MROH9: variants seen among roughly 807,000 people sequenced by gnomAD.
The protein encoded by MROH9 is maestro heat-like repeat-containing protein family member 9.
In MROH9, 92 loss-of-function variants were observed where a neutral mutation model predicts 98.2. The ratio of observed to expected loss-of-function variants is 0.94; its 90% CI spans 0.79 to 1.11. The LOEUF (loss-of-function observed/expected upper bound fraction) is 1.11. Ranked by LOEUF, MROH9 falls within the 50% of genes most tolerant of loss-of-function variation. The pLI is 0.00. For missense variants in MROH9, 1,057 were observed against 1,014.8 expected, an observed-to-expected ratio of 1.04 and a Z score of -0.57; for synonymous variants, 397 against 368.9, an observed-to-expected ratio of 1.08 and a Z score of -0.87.
intron 17 of MROH9, among the ~76,000 whole-genome samples, chr1:171,017,593 C>A (rs1048353980): frequency 6.6e-6 from 1 of 152,072 alleles, no homozygotes; most frequent in Non-Finnish European, 1.5e-5. Flanking sequence ...CCTTTAAACT[C>A]CTTGGGGGAG....
At chr1:171,051,371 A>G (rs1316297096) in intron 20 of MROH9, among the ~76,000 whole-genome samples, 1 of 152,162 alleles carries the variant, frequency 6.6e-6, no homozygotes, top group Non-Finnish European at 1.5e-5. Flanking sequence ...AGATAAAGAA[A>G]ATGTGGTACA....
At chr1:170,944,625 G>A (rs903936127) in intron 1 of MROH9, among the ~76,000 whole-genome samples, 30 of 152,038 alleles carry the variant, frequency 2.0e-4, no homozygotes, top group Non-Finnish European at 3.8e-4. Context: ...GTAGTGTTGG[G>A]ATCATAATTC....
intron 20 of MROH9, among the ~76,000 whole-genome samples, chr1:171,030,981 G>A (rs758353216): frequency 1.3e-4 from 20 of 152,114 alleles, no homozygotes; most frequent in Non-Finnish European, 1.2e-4. Context: ...TTGAGTGCAC[G>A]TATATTTAGA....
At position 170,953,331 on chromosome 1, in the gene MROH9, G is replaced by A. The variant is rs1438080267; in HGVS notation, c.73-5130G>A. ...CTTAACGGTATCTTTTGAAGAGCAA[G>A]AGGTTTTAGTTTTGATCAAGTCCAA... On this transcript the variant is annotated intron_variant, in intron 3 of 21. Coordinates refer to ENST00000367759, the MANE Select transcript of MROH9 (RefSeq NM_001163629.2). 2.0e-5 allele frequency among the ~76,000 whole-genome samples: 3 copies of A among 151,940 alleles called. No homozygotes were observed. In the South Asian group the frequency reaches 6.2e-4, roughly 32 times the overall value.
In MROH9 at chr1:170,962,928, C is replaced by T. The variant is rs116140487; in HGVS notation, c.375+952C>T. ...TGGACATAGGAACAGGCAAAAATTT[C>T]GTGAAAAAGACACCAAAAGCAGTTG... On this transcript the variant is annotated intron_variant, in intron 6 of 21. Coordinates refer to ENST00000367759, the MANE Select transcript of MROH9 (RefSeq NM_001163629.2). Among the ~76,000 whole-genome samples the T allele has an allele frequency of 2.4e-3, 364 of 151,864 alleles. 2 individuals are homozygous for T. The highest frequency in any genetic ancestry group is 0.014 in the Middle Eastern group (4 of 294).
intron 3 of MROH9, among the ~76,000 whole-genome samples, chr1:170,950,453 C>T (rs1008595156): frequency 1.3e-5 from 2 of 152,046 alleles, no homozygotes; most frequent in Non-Finnish European, 2.9e-5. Flanking sequence ...TACAGGAAAA[C>T]ATAGAACCAA....
chr1:171,003,669 G>A (rs984571552), intron 15 of MROH9, among the ~76,000 whole-genome samples: 2 of 152,168 alleles, frequency 1.3e-5, no homozygotes, highest in Non-Finnish European at 2.9e-5. Flanking sequence ...TGGACTCTGT[G>A]AGGAGCCTTA....
At chr1:170,944,970 G>C (rs757338095) in intron 1 of MROH9, among the ~76,000 whole-genome samples, 1 of 151,984 alleles carries the variant, frequency 6.6e-6, no homozygotes, top group African/African-American at 2.4e-5. Context: ...TTACTAATCA[G>C]TTATCTTTGA....
chr1:170,987,370 G>A (rs924496775), intron 10 of MROH9, among the ~76,000 whole-genome samples: 7 of 152,146 alleles, frequency 4.6e-5, no homozygotes, highest in South Asian at 2.1e-4. Context: ...CTCAGCTTGC[G>A]TAGAGCTGGC....
chr1:171,064,034 G>A (rs1654093185), intron 21 of MROH9, 65 bp from the exon 22 acceptor site: 1 of 1,461,110 alleles, frequency 6.8e-7, no homozygotes, highest in South Asian at 1.5e-5. Flanking sequence ...GGGCTGTTTA[G>A]TATTAAAGCT....
rs776908340 is a variant in MROH9, at chr1:171,032,361, G to T, written c.2281+6941G>T. 7.9e-5 allele frequency among the ~76,000 whole-genome samples: 12 copies of T among 152,128 alleles called. 1 individual carries two copies. The highest frequency in any genetic ancestry group is 1.8e-4 in the Non-Finnish European group (12 of 68,020). On this transcript the variant is annotated intron_variant, in intron 20 of 21. Coordinates refer to ENST00000367759, the MANE Select transcript of MROH9 (RefSeq NM_001163629.2). ...AATTATTTGGAGAAGAGGCACTCTG[G>T]CCTTTTGGGTTTTCAGCATCTTTTC... is the stretch of plus-strand genomic sequence containing the variant.
chr1:171,041,789 T>C (rs1653314564), intron 20 of MROH9, among the ~76,000 whole-genome samples: 1 of 152,058 alleles, frequency 6.6e-6, no homozygotes, highest in East Asian at 1.9e-4. Flanking sequence ...GGTATCTCAT[T>C]GTAGTTTTAA....
At chr1:170,963,725 C>T (rs1016496691) in intron 6 of MROH9, among the ~76,000 whole-genome samples, 2 of 152,014 alleles carry the variant, frequency 1.3e-5, no homozygotes, top group African/African-American at 2.4e-5. Flanking sequence ...AACAAACTAA[C>T]ACAGAAACAG....
intron 20 of MROH9, among the ~76,000 whole-genome samples, chr1:171,041,762 T>G (rs1350757336): frequency 6.6e-6 from 1 of 152,050 alleles, no homozygotes; most frequent in Admixed American, 6.6e-5. Context: ...TAATAGCCAT[T>G]CTGACTAGTG....
chr1:170,987,094 C>A (rs1228881528), intron 10 of MROH9, among the ~76,000 whole-genome samples: 1 of 152,096 alleles, frequency 6.6e-6, no homozygotes, highest in Non-Finnish European at 1.5e-5. Context: ...TGGGCTCAAG[C>A]AACCCTCCCA....
At chr1:170,964,875 C>T (rs1190362976) in intron 6 of MROH9, among the ~76,000 whole-genome samples, 3 of 152,030 alleles carry the variant, frequency 2.0e-5, no homozygotes, top group Admixed American at 6.6e-5. Flanking sequence ...TCGTACTGAA[C>T]TATTCATGGT....
intron 6 of MROH9, among the ~76,000 whole-genome samples, chr1:170,964,092 C>A (rs376630553): frequency 2.6e-5 from 4 of 152,140 alleles, no homozygotes; most frequent in African/African-American, 9.6e-5. Flanking sequence ...CCATGTCAGG[C>A]ACTAAATTGA....
chr1:171,045,119 A>G (rs1039310921), intron 20 of MROH9, among the ~76,000 whole-genome samples: 1 of 148,992 alleles, frequency 6.7e-6, no homozygotes, highest in African/African-American at 2.5e-5. Context: ...CTCCCGCCTC[A>G]GCCTCCGAGT....
chr1:170,984,438 T>G (rs1651052886), intron 9 of MROH9, among the ~76,000 whole-genome samples: 1 of 152,206 alleles, frequency 6.6e-6, no homozygotes, highest in South Asian at 2.1e-4. Flanking sequence ...AAGTTATTCT[T>G]TCCCACCTCC....
Sources: gnomAD v4.1 joint callset for allele counts (sites outside exome capture counted in the v4.1 genomes callset) on GRCh38, gnomAD v4.1.1 for gene constraint, MANE v1.5 for transcripts, NCBI Gene and HGNC (gene_info 2026-07-23, HGNC 2026-07-21) for gene names.